The following FOXP2 variants were observed in gnomAD, a reference collection of about 807,000 sequenced individuals.
The protein encoded by FOXP2 is forkhead box P2.
Under a neutral mutation model 115.8 loss-of-function variants are expected in FOXP2, and 12 were observed. The observed-to-expected ratio is 0.10, with a 90% CI of 0.07 to 0.17. The LOEUF (loss-of-function observed/expected upper bound fraction) is 0.17. Ranked by LOEUF, FOXP2 falls within the 10% of genes least tolerant of loss-of-function variation. The pLI, the probability that FOXP2 is intolerant of heterozygous loss-of-function variation, is 1.00. For synonymous variants in FOXP2, 328 were observed against 297.7 expected (o/e 1.10, Z -1.05); for missense variants, 629 against 843.5 (o/e 0.75, Z 3.15).
chr7:114,588,186 T>C (rs911453033), intron 3 of FOXP2, among the ~76,000 whole-genome samples: 3 of 151,726 alleles, frequency 2.0e-5, no homozygotes, highest in Non-Finnish European at 4.4e-5. Context: ...GGTGGGTGCC[T>C]GTAGTCCCAA....
Position 114,215,655 on chromosome 7 carries a change from C to G in FOXP2, c.-102+52567C>G, listed in dbSNP as rs575439021. On this transcript the variant is annotated intron_variant, in intron 1 of 17. Transcript: ENST00000634411. Reference sequence around the variant, plus strand: ...GTACTTAGCATTGGTTAAGATACTGCTTTTTTTTTTTTCTTCTCTGTCATA... The same window carrying G: ...GTACTTAGCATTGGTTAAGATACTGGTTTTTTTTTTTTCTTCTCTGTCATA... Among the ~76,000 whole-genome samples the G allele has an allele frequency of 4.1e-5, 6 of 145,260 alleles. No individual in the cohort carries two copies. The South Asian group carries it at 1.3e-3, about 32-fold the overall frequency.
intron 2 of FOXP2, among the ~76,000 whole-genome samples, chr7:114,475,506 A>C (rs955836892): frequency 5.3e-5 from 8 of 152,070 alleles, no homozygotes; most frequent in Non-Finnish European, 1.0e-4. Context: ...GACAGCCAGC[A>C]GATAGGCCTA....
At chr7:114,483,299 T>A (rs1045470122) in intron 2 of FOXP2, among the ~76,000 whole-genome samples, 10 of 151,714 alleles carry the variant, frequency 6.6e-5, no homozygotes, top group Non-Finnish European at 5.9e-5. Context: ...GCATGGTTGG[T>A]CTCCATGCTT....
chr7:114,101,673 T>A (rs751009516), intron 1 of FOXP2, among the ~76,000 whole-genome samples: 1 of 97,910 alleles, frequency 1.0e-5, no homozygotes, highest in Non-Finnish European at 2.9e-5. Flanking sequence ...CCTAAAAAAA[T>A]AAGAGAACAT....
intron 1 of FOXP2, among the ~76,000 whole-genome samples, chr7:114,150,199 C>A (rs1023143538): frequency 1.3e-5 from 2 of 151,718 alleles, no homozygotes; most frequent in Non-Finnish European, 2.9e-5. Context: ...TTTTAGGGTC[C>A]GGATGAAGAG....
chr7:114,563,031 G>A (rs1256873657), intron 3 of FOXP2, among the ~76,000 whole-genome samples: 1 of 152,124 alleles, frequency 6.6e-6, no homozygotes, highest in African/African-American at 2.4e-5. Flanking sequence ...ATCTTACATA[G>A]CAGCAGGGAA....
intron 1 of FOXP2, among the ~76,000 whole-genome samples, chr7:114,118,274 C>T (rs1477862107): frequency 6.6e-6 from 1 of 152,054 alleles, no homozygotes; most frequent in Non-Finnish European, 1.5e-5. Context: ...CTCATACTGT[C>T]CTTATGCATA....
chr7:114,109,512 A>G (rs916393865), intron 1 of FOXP2, among the ~76,000 whole-genome samples: 13 of 152,100 alleles, frequency 8.5e-5, no homozygotes, highest in Admixed American at 5.9e-4. Flanking sequence ...CTGCTTGAAG[A>G]GAATTTATAT....
chr7:114,662,037 A>G, intron 13 of FOXP2, 28 bp from the exon 14 acceptor site: 1 of 1,611,418 alleles, frequency 6.2e-7, no homozygotes, highest in Non-Finnish European at 8.5e-7. Flanking sequence ...TATTTTTGCC[A>G]TTTTTTCTTC....
intron 2 of FOXP2, among the ~76,000 whole-genome samples, chr7:114,440,586 C>T (rs978931893): frequency 4.6e-5 from 7 of 152,130 alleles, no homozygotes; most frequent in African/African-American, 1.4e-4. Flanking sequence ...TGACCCTCTT[C>T]AATAAAACTA....
At chr7:114,598,891 A>T (rs910515495) in intron 3 of FOXP2, among the ~76,000 whole-genome samples, 1 of 152,142 alleles carries the variant, frequency 6.6e-6, no homozygotes, top group Non-Finnish European at 1.5e-5. Context: ...TCTCTCTCTC[A>T]CACAGTTACT....
intron 3 of FOXP2, among the ~76,000 whole-genome samples, chr7:114,568,646 A>C (rs891950283): frequency 1.3e-5 from 2 of 151,904 alleles, no homozygotes; most frequent in Non-Finnish European, 2.9e-5. Context: ...AAAGCTACAA[A>C]ACTAGACGAA....
chr7:114,358,772 G>T (rs926210259), intron 2 of FOXP2, among the ~76,000 whole-genome samples: 3 of 152,176 alleles, frequency 2.0e-5, no homozygotes, highest in African/African-American at 7.2e-5. Flanking sequence ...AAGCAGCAAA[G>T]TGTTCAAGAG....
At position 114,391,782 on chromosome 7, in the gene FOXP2, G is replaced by A. The variant is rs115565009; in HGVS notation, c.-10-34720G>A. On this transcript the variant is annotated intron_variant, in intron 2 of 17. Coordinates refer to the FOXP2 transcript ENST00000634411. Reference sequence around the variant, plus strand: ...ATCTTGTTGTAAGCTGAGAAAATACGTGACACTCAAATGTCCACATGAACA... The same window carrying A: ...ATCTTGTTGTAAGCTGAGAAAATACATGACACTCAAATGTCCACATGAACA... Among the ~76,000 whole-genome samples, 227 of 152,152 alleles carry A rather than the reference G, an allele frequency of 1.5e-3. 1 individual carries two copies. The highest frequency in any genetic ancestry group is 5.1e-3 in the African/African-American group (213 of 41,508).
At chr7:114,377,119 A>G (rs1792159893) in intron 2 of FOXP2, among the ~76,000 whole-genome samples, 1 of 152,146 alleles carries the variant, frequency 6.6e-6, no homozygotes, top group African/African-American at 2.4e-5. Flanking sequence ...CAAATCAGAG[A>G]TATTTCTATG....
At chr7:114,681,724 A>G (rs1471968665) in intron 16 of FOXP2, among the ~76,000 whole-genome samples, 1 of 152,198 alleles carries the variant, frequency 6.6e-6, no homozygotes, top group Admixed American at 6.5e-5. Context: ...TGAAATAACT[A>G]TAGCAATATG....
rs1175210435 is a variant in FOXP2, at chr7:114,642,500, T to C, written c.866T>C (p.Leu289Pro). ...GACAATGGCATTAAACATGGAGGGC[T>C]AGACCTCACTACTAACAATTCCTCC... ...MEDNGIKHGG[L>P]DLTTNNSSST... Residue 289 changes from leucine (L) to proline (P), a missense_variant, in exon 7 of 17, where the codon CTA becomes CCA. By Grantham distance (98) the Leu-to-Pro change is moderately conservative. Coordinates refer to ENST00000350908, the MANE Select transcript of FOXP2 (RefSeq NM_014491.4). 1.2e-6 allele frequency: 2 copies of C among 1,613,890 alleles called. No homozygotes were observed. Among genetic ancestry groups the C allele is most frequent in the Non-Finnish European group, 1.7e-6 (2 of 1,179,934 alleles).
At position 114,400,191 on chromosome 7, in the gene FOXP2, T is replaced by TTTGTTG. The variant is rs551732873; in HGVS notation, c.-10-26293_-10-26288dup. Among the ~76,000 whole-genome samples, 62 of 151,926 alleles carry TTTGTTG rather than the reference T, an allele frequency of 4.1e-4. 1 individual carries two copies. The highest frequency in any genetic ancestry group is 7.1e-4 in the Non-Finnish European group (48 of 67,964). ...CATTTTCTTTGTAAAATTTATGTTT[T>TTTGTTG]TTGTTGTTGTTGTTGTTGTTGTTTT... On this transcript the variant is annotated intron_variant, in intron 2 of 17. Transcript: ENST00000634411.
At chr7:114,551,129 A>G (rs1800186218) in intron 3 of FOXP2, among the ~76,000 whole-genome samples, 1 of 152,144 alleles carries the variant, frequency 6.6e-6, no homozygotes, top group Non-Finnish European at 1.5e-5. Flanking sequence ...CAGAGGAAAA[A>G]CCACAAACTA....
Sources: gnomAD v4.1 joint callset for allele counts (sites outside exome capture counted in the v4.1 genomes callset) on GRCh38, gnomAD v4.1.1 for gene constraint, MANE v1.5 for transcripts, NCBI Gene and HGNC (gene_info 2026-07-23, HGNC 2026-07-21) for gene names.